Variants in BRWD1 observed in about 807,000 individuals in gnomAD.
BRWD1 encodes bromodomain and WD repeat domain containing 1, also known as bromodomain and WD repeat-containing protein 1.
Under a neutral mutation model 251.2 loss-of-function variants are expected in BRWD1, and 82 were observed. The ratio of observed to expected loss-of-function variants is 0.33; its 90% CI spans 0.27 to 0.39. The LOEUF is 0.39. Ranked by LOEUF, BRWD1 falls within the 10% of genes least tolerant of loss-of-function variation. BRWD1 has a pLI of 1.00. For synonymous variants in BRWD1, 918 were observed against 902.8 expected, an observed-to-expected ratio of 1.02 and a Z score of -0.30; for missense variants, 2,233 against 2,711.6, an observed-to-expected ratio of 0.82 and a Z score of 3.92.
chr21:39,284,303 G>C (rs867495797), intron 8 of BRWD1, among the ~76,000 whole-genome samples: 65 of 152,292 alleles, frequency 4.3e-4, no homozygotes, highest in African/African-American at 1.6e-3. Flanking sequence ...AACATAGCAA[G>C]ACACTGTCTC....
chr21:39,308,328 A>T (rs1326978545), intron 4 of BRWD1, among the ~76,000 whole-genome samples: 1 of 152,136 alleles, frequency 6.6e-6, no homozygotes, highest in East Asian at 1.9e-4. Flanking sequence ...CTAAAAACAC[A>T]AAAAGTAGCC....
Position 39,269,944 on chromosome 21 carries a change from T to C in BRWD1, c.1485A>G (p.Ile495Met), listed in dbSNP as rs752511448. The change falls in exon 15 of 41, where the codon ATA becomes ATG. Residue 495 changes from isoleucine (I) to methionine (M), a missense_variant. Physicochemically the swap from Ile to Met is conservative, Grantham distance 10 (BLOSUM62 1). Transcript: ENST00000342449. ...LSAGHDGSIF[I>M]WDITKGTKMK... is the part of the protein sequence containing the mutation. ...TCTTGGTACCTTTTGTAATATCCCA[T>C]ATAAATATGCTGCCATCATGTCCTG... The C allele has an allele frequency of 7.0e-6, 11 of 1,576,766 alleles. No individual in the cohort carries two copies. Among genetic ancestry groups the C allele is most frequent in the Non-Finnish European group, 9.5e-6 (11 of 1,160,170 alleles).
intron 13 of BRWD1, among the ~76,000 whole-genome samples, chr21:39,273,110 G>T (rs887556690): frequency 2.0e-5 from 3 of 152,160 alleles, no homozygotes; most frequent in African/African-American, 7.2e-5. Context: ...TCCCCTTCAT[G>T]GATCGAGTGC....
Position 39,259,447 on chromosome 21 carries a change from T to G in BRWD1, c.1886-775A>C, listed in dbSNP as rs184629359. Among the ~76,000 whole-genome samples the G allele has an allele frequency of 2.7e-3, 401 of 149,882 alleles. 1 individual carries two copies. The highest frequency in any genetic ancestry group is 4.0e-3 in the Non-Finnish European group (270 of 67,168). On this transcript the variant is annotated intron_variant, in intron 17 of 40. Transcript: ENST00000342449. ...CTGGGACTACAGGTGCCCACCACCA[T>G]GCCCGGCTAATTTTTTGTATTTCTT... is the stretch of plus-strand genomic sequence containing the variant.
chr21:39,188,950 T>C lies in BRWD1; in HGVS notation c.*7309A>G. ...GGCATTACTCTCATGCAGCATGCCCTTACCTCCTTCAGCTGGACTCTGTGG... is the reference window on the plus strand; with the variant it reads ...GGCATTACTCTCATGCAGCATGCCCCTACCTCCTTCAGCTGGACTCTGTGG... On this transcript the variant is annotated 3_prime_UTR_variant, in exon 41 of 41. Coordinates refer to ENST00000342449, the MANE Select transcript of BRWD1 (RefSeq NM_033656.4). 2 of 985,364 alleles carry C rather than the reference T, an allele frequency of 2.0e-6. No homozygotes were observed. The highest frequency in any genetic ancestry group is 2.4e-6 in the Non-Finnish European group (2 of 829,896). 61.0% of individuals were successfully genotyped at this position (985,364 alleles called of 1,614,324 possible). A position where few individuals can be genotyped will look rare whatever the true frequency, so the allele number is the denominator to read the frequency against.
At chr21:39,314,218 C>T (rs913747443), upstream of BRWD1, 11 of 455,642 alleles carry the variant, frequency 2.4e-5, no homozygotes, top group Non-Finnish European at 3.1e-5. Context: ...CCCGGACCCG[C>T]GCTCCTGGGG....
intron 27 of BRWD1, among the ~76,000 whole-genome samples, chr21:39,228,145 G>A (rs1185793414): frequency 3.3e-5 from 5 of 151,896 alleles, no homozygotes; most frequent in African/African-American, 4.8e-5. Context: ...AAAATTAGCC[G>A]GGCGTAGTGG....
At chr21:39,227,499 T>A (rs1317324296) in intron 27 of BRWD1, among the ~76,000 whole-genome samples, 1 of 152,158 alleles carries the variant, frequency 6.6e-6, no homozygotes, top group African/African-American at 2.4e-5. Context: ...TGAGCCCTCC[T>A]TAAATGATCA....
At chr21:39,299,263 T>C (rs540294313) in intron 4 of BRWD1, among the ~76,000 whole-genome samples, 71 of 149,686 alleles carry the variant, frequency 4.7e-4, no homozygotes, top group African/African-American at 1.6e-3. Context: ...AAAAAAAATA[T>C]ATATATATGC....
intron 13 of BRWD1, among the ~76,000 whole-genome samples, chr21:39,271,221 G>A (rs761489151): frequency 6.6e-6 from 1 of 152,186 alleles, no homozygotes. Context: ...GAACCTGGGA[G>A]ACAGAGTCTG....
intron 13 of BRWD1, among the ~76,000 whole-genome samples, chr21:39,274,122 A>G (rs1158592559): frequency 1.3e-5 from 2 of 152,216 alleles, no homozygotes; most frequent in African/African-American, 2.4e-5. Context: ...GAAGGAGGTC[A>G]ATGCTTTGAA....
In BRWD1 at chr21:39,312,778, G is replaced by A. The variant is rs908954651; in HGVS notation, c.198+63C>T. ...CCACGGGCCGGGGTCCCCGCGAGGG[G>A]AAGGGGCGGGGGCGGGGGGCGGTGC... On this transcript the variant is annotated intron_variant, in intron 4 of 40. Coordinates refer to ENST00000342449, the MANE Select transcript of BRWD1 (RefSeq NM_033656.4). The A allele has an allele frequency of 1.6e-5, 22 of 1,406,782 alleles. No individual in the cohort carries two copies. In the African/African-American group the frequency reaches 2.5e-4, roughly 16 times the overall value. 87.1% of individuals were successfully genotyped at this position (1,406,782 alleles called of 1,614,324 possible). A position where few individuals can be genotyped will look rare whatever the true frequency, so the allele number is the denominator to read the frequency against.
rs576890635 is a variant in BRWD1 at position 39,215,544 on chromosome 21, G to A, written c.3660-182C>T. ...AGTCATAGGCAATACATTGGACACCGAAGCAATTATATTGAACTGAAGAGG... is the reference window on the plus strand; with the variant it reads ...AGTCATAGGCAATACATTGGACACCAAAGCAATTATATTGAACTGAAGAGG... On this transcript the variant is annotated intron_variant, in intron 31 of 40. Transcript: ENST00000342449. Among the ~76,000 whole-genome samples, 34 of 152,228 alleles carry A rather than the reference G, an allele frequency of 2.2e-4. 1 individual carries two copies. The South Asian group carries it at 6.0e-3, about 27-fold the overall frequency.
Position 39,189,328 on chromosome 21 carries a change from TG to T in BRWD1, c.*6930del, listed in dbSNP as rs921389284. On this transcript the variant is annotated 3_prime_UTR_variant, in exon 41 of 41. Coordinates refer to ENST00000342449, the MANE Select transcript of BRWD1 (RefSeq NM_033656.4). Reference sequence around the variant, plus strand: ...ATAAAATTCTATTTCAACTACAATTTGTAACAAAATGCTTTAAGTTGCAGAA... The same window carrying T: ...ATAAAATTCTATTTCAACTACAATTTTAACAAAATGCTTTAAGTTGCAGAA... 1 of 985,186 alleles carries T rather than the reference TG, an allele frequency of 1.0e-6. No individual in the cohort carries two copies. The highest frequency in any genetic ancestry group is 1.2e-6 in the Non-Finnish European group (1 of 829,826). The allele number at this position is 985,186 out of a possible 1,614,324, so 61.0% of individuals were successfully genotyped here. A position where few individuals can be genotyped will look rare whatever the true frequency, so the allele number is the denominator to read the frequency against.
intron 4 of BRWD1, among the ~76,000 whole-genome samples, chr21:39,309,903 GAT>G (rs1326293613): frequency 5.3e-5 from 8 of 151,338 alleles, no homozygotes; most frequent in Non-Finnish European, 1.0e-4. Flanking sequence ...GGCACTTGAT[GAT>G]ATAATAAGCA....
chr21:39,256,646 C>T (rs538487388), intron 18 of BRWD1, among the ~76,000 whole-genome samples: 2 of 152,296 alleles, frequency 1.3e-5, no homozygotes, highest in East Asian at 3.9e-4. Context: ...CGCAACCTCC[C>T]ATGAGCTGGA....
intron 19 of BRWD1, 149 bp downstream of exon 19, chr21:39,255,496 C>G: frequency 1.5e-6 from 1 of 652,488 alleles, no homozygotes. Flanking sequence ...TGACATTTTC[C>G]TACCACAATT....
At chr21:39,216,759 T>TG in intron 31 of BRWD1, 1 of 397,292 alleles carries the variant, frequency 2.5e-6, no homozygotes, top group Non-Finnish European at 4.9e-6. Flanking sequence ...AGAGACCACC[T>TG]GTTCAGACCA....
At chr21:39,307,443 T>C (rs760359083) in intron 4 of BRWD1, among the ~76,000 whole-genome samples, 10 of 152,010 alleles carry the variant, frequency 6.6e-5, no homozygotes, top group Non-Finnish European at 1.3e-4. Flanking sequence ...ATTATATGTA[T>C]ATATTTTATG....
Sources: allele counts gnomAD v4.1 joint callset (sites outside exome capture counted in the v4.1 genomes callset), GRCh38; gene constraint gnomAD v4.1.1; transcripts MANE v1.5; gene names NCBI Gene and HGNC (gene_info 2026-07-23, HGNC 2026-07-21).